CLNS1A: variants seen among roughly 807,000 people sequenced by gnomAD.
CLNS1A encodes chloride nucleotide-sensitive channel 1A.
In CLNS1A, 16 loss-of-function variants were observed where a neutral mutation model predicts 29.4. That is an observed-to-expected ratio of 0.54 (90% CI 0.37 to 0.83). The LOEUF (loss-of-function observed/expected upper bound fraction) is 0.83. Among genes scored for constraint, CLNS1A ranks in the 40% least tolerant of loss-of-function variants. CLNS1A has a pLI of 0.00. For missense variants in CLNS1A, 235 were observed against 287.4 expected, an observed-to-expected ratio of 0.82 and a Z score of 1.32; for synonymous variants, 96 against 104.8, an observed-to-expected ratio of 0.92 and a Z score of 0.51.
chr11:77,620,316 C>G (rs1958943944), intron 5 of CLNS1A, among the ~76,000 whole-genome samples: 1 of 152,154 alleles, frequency 6.6e-6, no homozygotes, highest in Admixed American at 6.6e-5. Flanking sequence ...AGTTTTCCTG[C>G]AAAAGCTCTT....
chr11:77,622,949 G>GAA (rs35752186), intron 4 of CLNS1A, among the ~76,000 whole-genome samples: 65 of 105,784 alleles, frequency 6.1e-4, no homozygotes, highest in East Asian at 2.0e-3. Flanking sequence ...CCTTGTCTTG[G>GAA]AAAAAAAAAA....
intron 1 of CLNS1A, among the ~76,000 whole-genome samples, chr11:77,632,235 G>C (rs1287727601): frequency 1.3e-5 from 2 of 152,168 alleles, no homozygotes; most frequent in Non-Finnish European, 2.9e-5. Context: ...CCCTACAAAA[G>C]CTGTATTATT....
chr11:77,628,929 T>A (rs1390808286), intron 2 of CLNS1A, among the ~76,000 whole-genome samples: 6 of 152,178 alleles, frequency 3.9e-5, no homozygotes, highest in Non-Finnish European at 7.3e-5. Flanking sequence ...ATATTTAGTA[T>A]AATAATAGCA....
In CLNS1A at chr11:77,637,616, G is replaced by A; in HGVS notation, c.99C>T (p.Gly33=). 4 of 1,599,250 alleles carry A rather than the reference G, an allele frequency of 2.5e-6. No homozygotes were observed. The highest frequency in any genetic ancestry group is 3.4e-4 in the Middle Eastern group (2 of 5,904). Residue 33 remains glycine, a synonymous_variant, in exon 1 of 7, where the codon GGC becomes GGT. Coordinates refer to ENST00000525428, the MANE Select transcript of CLNS1A (RefSeq NM_001293.3). ...TCTCAGCGATGTAAAGGGTACCAGT[G>A]CCGAGGCCCTTCCCGTTCAGCACAG... The part of the protein sequence containing the change: ...TEAVLNGKGL[G]TGTLYIAESR...
Position 77,615,791 on chromosome 11 carries a change from G to T in CLNS1A, c.*927C>A, listed in dbSNP as rs2135756330. 1 of 152,238 alleles carries T rather than the reference G, an allele frequency of 6.6e-6. No homozygotes were observed. The highest frequency in any genetic ancestry group is 2.1e-4 in the South Asian group (1 of 4,828). The allele number at this position is 152,238 out of a possible 1,614,324, so 9.4% of individuals were successfully genotyped here. On this transcript the variant is annotated 3_prime_UTR_variant, in exon 7 of 7. Coordinates refer to ENST00000525428, the MANE Select transcript of CLNS1A (RefSeq NM_001293.3). ...TTAGCCATGTGATCCTGTTAAGAAG[G>T]TTAGCTTGTATAACCTTATTTTTAA...
rs564902017 is a variant in CLNS1A at position 77,634,891 on chromosome 11, C to A, written c.125+2699G>T. On this transcript the variant is annotated intron_variant, in intron 1 of 6. Transcript: ENST00000525428. ...CTCACCGCAGCCTCAACTGCCCAGG[C>A]TCAAGTAATCCTCCCACCTCAGCTC... Among the ~76,000 whole-genome samples, 20 of 152,088 alleles carry A rather than the reference C, an allele frequency of 1.3e-4. 1 individual carries two copies. Among genetic ancestry groups the A allele is most frequent in the Admixed American group, 1.2e-3 (18 of 15,270 alleles).
intron 5 of CLNS1A, 43 bp downstream of exon 5, chr11:77,622,457 C>T: frequency 6.9e-7 from 1 of 1,455,022 alleles, no homozygotes; most frequent in Non-Finnish European, 9.3e-7. Context: ...AACTTATTGC[C>T]CAAGTGCTCA....
chr11:77,632,017 G>GT (rs751316092), intron 1 of CLNS1A, among the ~76,000 whole-genome samples: 12 of 152,220 alleles, frequency 7.9e-5, no homozygotes, highest in Non-Finnish European at 1.6e-4. Context: ...TATTACAGGC[G>GT]TGAGCCACTG....
At chr11:77,629,575 T>C (rs1158575451) in intron 2 of CLNS1A, among the ~76,000 whole-genome samples, 188 bp downstream of exon 2, 1 of 152,104 alleles carries the variant, frequency 6.6e-6, no homozygotes, top group Non-Finnish European at 1.5e-5. Context: ...TTGTATTTTT[T>C]AGTAGAGACG....
intron 2 of CLNS1A, 41 bp from the exon 3 acceptor site, chr11:77,625,859 T>A: frequency 4.2e-6 from 6 of 1,423,102 alleles, no homozygotes; most frequent in Non-Finnish European, 4.8e-6. Context: ...TATTTGACTT[T>A]AAAAAAATGA....
chr11:77,622,532 AC>A lies in CLNS1A; in HGVS notation c.613del (p.Val205SerfsTer7). 1 of 1,608,882 alleles carries A rather than the reference AC, an allele frequency of 6.2e-7. No individual in the cohort carries two copies. The highest frequency in any genetic ancestry group is 8.5e-7 in the Non-Finnish European group (1 of 1,178,532). ...ATCTCTTATTGAATCTTCTGTCCTG[AC>A]CCCAGCCATATTATACTGGCTGCTC... The part of the protein sequence containing the change: ...SVSSQYNMAG[V>X]RTEDSIRDYE... On this transcript the variant is annotated frameshift_variant, in exon 5 of 7. Coordinates refer to ENST00000525428, the MANE Select transcript of CLNS1A (RefSeq NM_001293.3). LOFTEE classifies it high-confidence loss of function.
chr11:77,637,474 G>C (rs541067235), intron 1 of CLNS1A, 116 bp downstream of exon 1: 696 of 1,357,274 alleles, frequency 5.1e-4, no homozygotes, highest in Non-Finnish European at 6.1e-4. Flanking sequence ...TCGGGCACGA[G>C]ACCCCGCTCC....
At chr11:77,620,274 G>A (rs1958943599) in intron 5 of CLNS1A, among the ~76,000 whole-genome samples, 1 of 152,152 alleles carries the variant, frequency 6.6e-6, no homozygotes, top group Non-Finnish European at 1.5e-5. Context: ...TAATGAGTAA[G>A]TTTCACTAGA....
intron 4 of CLNS1A, among the ~76,000 whole-genome samples, chr11:77,623,728 T>C (rs1485052425): frequency 6.6e-6 from 1 of 152,128 alleles, no homozygotes; most frequent in Non-Finnish European, 1.5e-5. Context: ...AATGTGTTTA[T>C]CTCAGGCCAG....
At chr11:77,631,056 CTAA>C (rs1959068805) in intron 1 of CLNS1A, among the ~76,000 whole-genome samples, 1 of 152,184 alleles carries the variant, frequency 6.6e-6, no homozygotes, top group African/African-American at 2.4e-5. Flanking sequence ...GCCTGGCTGT[CTAA>C]TTTCTAACCA....
chr11:77,628,005 T>C (rs1483719431), intron 2 of CLNS1A, among the ~76,000 whole-genome samples: 1 of 152,130 alleles, frequency 6.6e-6, no homozygotes. Context: ...TTTGTATTTT[T>C]AGTAGAGACA....
chr11:77,625,645 GTA>G (rs924144850), intron 3 of CLNS1A, 70 bp downstream of exon 3: 31 of 1,222,838 alleles, frequency 2.5e-5, no homozygotes, highest in African/African-American at 3.0e-5. Flanking sequence ...GTGTGTGTGT[GTA>G]TGTGTGTGTG....
chr11:77,636,743 A>G (rs555099428), intron 1 of CLNS1A, among the ~76,000 whole-genome samples: 61 of 152,318 alleles, frequency 4.0e-4, no homozygotes, highest in Non-Finnish European at 6.8e-4. Context: ...TTAAAAGTAG[A>G]GAATTTTCTC....
chr11:77,634,622 G>A lies in CLNS1A; in HGVS notation c.125+2968C>T, dbSNP rs543737384. Among the ~76,000 whole-genome samples the A allele has an allele frequency of 4.0e-5, 6 of 151,350 alleles. No individual in the cohort carries two copies. In the East Asian group the frequency reaches 9.7e-4, roughly 25 times the overall value. On this transcript the variant is annotated intron_variant, in intron 1 of 6. Coordinates refer to ENST00000525428, the MANE Select transcript of CLNS1A (RefSeq NM_001293.3). ...GTCTGTAGTCCCAGCTACTCAGGAG[G>A]CTGAGGCAGGAGAATCGCTTAAACC...
Sources: gnomAD v4.1 joint callset for allele counts (sites outside exome capture counted in the v4.1 genomes callset) on GRCh38, gnomAD v4.1.1 for gene constraint, MANE v1.5 for transcripts, NCBI Gene and HGNC (gene_info 2026-07-23, HGNC 2026-07-21) for gene names.